HSD17B2: variants seen among roughly 807,000 people sequenced by gnomAD.
HSD17B2 encodes hydroxysteroid 17-beta dehydrogenase 2, also known as 17-beta-hydroxysteroid dehydrogenase type 2.
Under a neutral mutation model 26.9 loss-of-function variants are expected in HSD17B2, and 32 were observed. The observed-to-expected ratio is 1.19, with a 90% CI of 0.90 to 1.60. HSD17B2 has a LOEUF of 1.60. HSD17B2 is among the 40% of genes most tolerant of loss of function. The pLI, the probability that HSD17B2 is intolerant of heterozygous loss-of-function variation, is 0.00. For synonymous variants in HSD17B2, 246 were observed against 186.7 expected, an observed-to-expected ratio of 1.32 and a Z score of -2.59; for missense variants, 613 against 468.6, an observed-to-expected ratio of 1.31 and a Z score of -2.85.
At chr16:82,077,147 A>G (rs964546761) in intron 3 of HSD17B2, among the ~76,000 whole-genome samples, 5 of 152,200 alleles carry the variant, frequency 3.3e-5, no homozygotes, top group Non-Finnish European at 5.9e-5. Context: ...GACATTCTTC[A>G]CAGAAATAGA....
At chr16:82,092,733 A>T (rs1392156995) in intron 4 of HSD17B2, 1 of 152,184 alleles carries the variant, frequency 6.6e-6, no homozygotes, top group Non-Finnish European at 1.5e-5. Flanking sequence ...TTGGGAGGAG[A>T]ATTGAGGAGA....
chr16:82,082,981 G>C (rs575365545), intron 3 of HSD17B2, among the ~76,000 whole-genome samples: 1 of 152,280 alleles, frequency 6.6e-6, no homozygotes, highest in East Asian at 1.9e-4. Flanking sequence ...TGGTGACTCA[G>C]TGTAAACATA....
In HSD17B2 at chr16:82,071,155, T is replaced by C. The variant is rs201392108; in HGVS notation, c.664+28T>C. The C allele has an allele frequency of 4.1e-4, 666 of 1,605,504 alleles. 3 individuals carry two copies. The African/African-American group carries it at 7.1e-3, about 17-fold the overall frequency. On this transcript the variant is annotated intron_variant, in intron 3 of 4. Coordinates refer to ENST00000199936, the MANE Select transcript of HSD17B2 (RefSeq NM_002153.3). ...GAGTCAGCATTTTCACACATGGTCA[T>C]GGGGTGCCCATCACAAGACATGGCT...
At chr16:82,052,950 C>T (rs999563737) in intron 1 of HSD17B2, among the ~76,000 whole-genome samples, 1 of 152,196 alleles carries the variant, frequency 6.6e-6, no homozygotes, top group Non-Finnish European at 1.5e-5. Context: ...AGCAAGAGGG[C>T]AAGAGCATGC....
chr16:82,055,417 T>C (rs537278316), intron 1 of HSD17B2, among the ~76,000 whole-genome samples: 12 of 152,286 alleles, frequency 7.9e-5, no homozygotes, highest in African/African-American at 2.9e-4. Flanking sequence ...CTTCATGGGA[T>C]GGGGACTTGG....
At chr16:82,046,347 T>C (rs1913927990) in intron 1 of HSD17B2, among the ~76,000 whole-genome samples, 2 of 152,092 alleles carry the variant, frequency 1.3e-5, no homozygotes, top group South Asian at 4.2e-4. Context: ...ATCAGAGGCT[T>C]CCTATGTGTC....
Position 82,076,051 on chromosome 16 carries a change from T to G in HSD17B2, c.664+4924T>G, listed in dbSNP as rs375991222. Among the ~76,000 whole-genome samples the G allele has an allele frequency of 2.9e-4, 44 of 152,270 alleles. 2 individuals are homozygous for G. The South Asian group carries it at 8.9e-3, about 31-fold the overall frequency. ...TATCATGACTAAGTGGGATTTATCC[T>G]ATGGATGCAGGGATTGTTCAACATT... On this transcript the variant is annotated intron_variant, in intron 3 of 4. Coordinates refer to ENST00000199936, the MANE Select transcript of HSD17B2 (RefSeq NM_002153.3).
chr16:82,046,409 C>T (rs756965877), intron 1 of HSD17B2, among the ~76,000 whole-genome samples: 7 of 152,018 alleles, frequency 4.6e-5, no homozygotes, highest in Non-Finnish European at 8.8e-5. Context: ...TTCTCACAAA[C>T]GCCTTATAAG....
intron 1 of HSD17B2, among the ~76,000 whole-genome samples, chr16:82,064,507 A>G (rs1357429978): frequency 2.6e-5 from 4 of 152,152 alleles, no homozygotes; most frequent in Non-Finnish European, 5.9e-5. Flanking sequence ...ATTTTCATTT[A>G]TCTTGGGTAC....
At chr16:82,097,917 G>C (rs1247094890) in intron 4 of HSD17B2, 158 bp from the exon 5 acceptor site, 3 of 607,802 alleles carry the variant, frequency 4.9e-6, no homozygotes, top group South Asian at 3.5e-5. Context: ...AAGCCTGAGA[G>C]ACAGAGAAAG....
At chr16:82,095,340 A>G (rs72547405) in intron 4 of HSD17B2, 1 of 152,310 alleles carries the variant, frequency 6.6e-6, no homozygotes. Flanking sequence ...TTGCATTTCC[A>G]TAAGTATAAT....
Position 82,071,017 on chromosome 16 carries a change from A to G in HSD17B2, c.554A>G (p.Tyr185Cys). ...TDGELLLMTD[Y>C]KQCMAVNFFG... is the part of the protein sequence containing the mutation. Reference sequence around the variant, plus strand: ...GGGGAGCTTCTTCTTATGACTGACTACAAACAATGCATGGCCGTGAACTTC... The same window carrying G: ...GGGGAGCTTCTTCTTATGACTGACTGCAAACAATGCATGGCCGTGAACTTC... The change falls in exon 3 of 5, where the codon TAC becomes TGC. Residue 185 changes from tyrosine (Y) to cysteine (C), a missense_variant. Coordinates refer to ENST00000199936, the MANE Select transcript of HSD17B2 (RefSeq NM_002153.3). 6.2e-7 allele frequency: 1 copy of G among 1,614,212 alleles called. No homozygotes were observed. Among genetic ancestry groups the G allele is most frequent in the Non-Finnish European group, 8.5e-7 (1 of 1,180,024 alleles).
chr16:82,071,267 G>A (rs765071943), intron 3 of HSD17B2, 140 bp downstream of exon 3: 4 of 783,784 alleles, frequency 5.1e-6, no homozygotes, highest in South Asian at 1.4e-5. Context: ...ATACCCTGTT[G>A]GTCTTATCAC....
chr16:82,070,376 C>G (rs1914670488), intron 2 of HSD17B2, among the ~76,000 whole-genome samples: 1 of 152,244 alleles, frequency 6.6e-6, no homozygotes. Flanking sequence ...CACAGACCCT[C>G]ACCTTCTTCC....
intron 1 of HSD17B2, among the ~76,000 whole-genome samples, chr16:82,055,908 A>G (rs905032391): frequency 9.2e-5 from 14 of 152,298 alleles, no homozygotes; most frequent in African/African-American, 3.1e-4. Flanking sequence ...GGGAGAGGTG[A>G]TTTGATTGAA....
chr16:82,036,320 TTGTGTGTGTGTGTGTGTGTGTGTG>T (rs10609893), intron 1 of HSD17B2, among the ~76,000 whole-genome samples: 2 of 145,782 alleles, frequency 1.4e-5, no homozygotes, highest in African/African-American at 2.6e-5. Context: ...TTTCCCTTGT[TTGTGTGTGTGTGTGTGTGTGTGTG>T]TGTGTGTGTG....
intron 1 of HSD17B2, among the ~76,000 whole-genome samples, chr16:82,046,410 G>A (rs148802781): frequency 5.9e-5 from 9 of 152,048 alleles, no homozygotes; most frequent in East Asian, 5.8e-4. Flanking sequence ...TCTCACAAAC[G>A]CCTTATAAGA....
At chr16:82,091,168 A>C in intron 4 of HSD17B2, 129 bp downstream of exon 4, 1 of 944,222 alleles carries the variant, frequency 1.1e-6, no homozygotes, top group Non-Finnish European at 1.7e-6. Context: ...AGATCAGTTA[A>C]AGGGGTGAAA....
chr16:82,047,254 C>T (rs1227984237), intron 1 of HSD17B2, among the ~76,000 whole-genome samples: 1 of 152,166 alleles, frequency 6.6e-6, no homozygotes, highest in African/African-American at 2.4e-5. Flanking sequence ...GGTTTGTTAC[C>T]TGGCTACCTT....
Sources: gnomAD v4.1 joint callset for allele counts (sites outside exome capture counted in the v4.1 genomes callset) on GRCh38, gnomAD v4.1.1 for gene constraint, MANE v1.5 for transcripts, NCBI Gene and HGNC (gene_info 2026-07-23, HGNC 2026-07-21) for gene names.